Variants in CERS5 observed in about 807,000 individuals in gnomAD.
CERS5 encodes the protein ceramide synthase 5.
Under a neutral mutation model 58.9 loss-of-function variants are expected in CERS5, and 37 were observed. The observed-to-expected ratio is 0.63, with a 90% CI of 0.48 to 0.83. The LOEUF (loss-of-function observed/expected upper bound fraction) is 0.83, where lower values mean the gene tolerates loss of function less well. Among genes scored for constraint, CERS5 ranks in the 40% least tolerant of loss-of-function variants. CERS5 has a pLI of 0.00. For missense variants in CERS5, 398 were observed against 489.3 expected (o/e 0.81, Z 1.76); for synonymous variants, 147 against 177.8 (o/e 0.83, Z 1.38).
chr12:50,131,054 C>A (rs1343428354), intron 9 of CERS5, among the ~76,000 whole-genome samples: 21 of 152,186 alleles, frequency 1.4e-4, no homozygotes, highest in Admixed American at 1.4e-3. Context: ...ACGAACAATA[C>A]GTATGACTGT....
intron 1 of CERS5, among the ~76,000 whole-genome samples, chr12:50,154,919 C>A (rs570129413): frequency 6.6e-6 from 1 of 152,092 alleles, no homozygotes; most frequent in African/African-American, 2.4e-5. Flanking sequence ...AGTGCAGTGG[C>A]GCTATCTTGG....
intron 6 of CERS5, among the ~76,000 whole-genome samples, chr12:50,137,417 A>C (rs1951745980): frequency 6.6e-6 from 1 of 152,236 alleles, no homozygotes; most frequent in East Asian, 1.9e-4. Context: ...TGAATAAGGC[A>C]TTGCTATCCC....
In CERS5 at chr12:50,145,946, G is replaced by A. The variant is rs547438763; in HGVS notation, c.198-1889C>T. The stretch of plus-strand genomic sequence containing the variant: ...AGCATTCAGAAGAGTAAATGAGGCC[G>A]TCATTCTTTGTTGTTGAGTTGATGC... On this transcript the variant is annotated intron_variant, in intron 1 of 9. Coordinates refer to ENST00000317551, the MANE Select transcript of CERS5 (RefSeq NM_147190.5). Among the ~76,000 whole-genome samples the A allele has an allele frequency of 3.9e-5, 6 of 152,248 alleles. No individual in the cohort carries two copies. In the South Asian group the frequency reaches 1.2e-3, roughly 32 times the overall value.
chr12:50,153,867 T>G, intron 1 of CERS5: 1 of 424,234 alleles, frequency 2.4e-6, no homozygotes, highest in Non-Finnish European at 4.7e-6. Context: ...GGCAGGAGAA[T>G]CATTTGAACC....
At position 50,153,269 on chromosome 12, in the gene CERS5, A is replaced by ATTT. The variant is rs202197775; in HGVS notation, c.198-9215_198-9213dup. ...GGTTATAATGAGATAAACTAATATG[A>ATTT]TTTTTTTTTTTTTTTTTTTTTTTTT... On this transcript the variant is annotated intron_variant, in intron 1 of 9. Transcript: ENST00000317551. Among the ~76,000 whole-genome samples, 96 of 93,426 alleles carry ATTT rather than the reference A, an allele frequency of 1.0e-3. 14 individuals carry two copies. Among genetic ancestry groups the ATTT allele is most frequent in the South Asian group, 2.3e-3 (6 of 2,598 alleles). The allele number at this position is 93,426 out of a possible 152,430, so 61.3% of individuals were successfully genotyped here.
Position 50,135,989 on chromosome 12 carries a change from C to T in CERS5, c.717G>A (p.Val239=). The change falls in exon 7 of 10, where the codon GTG becomes GTA. Residue 239 remains valine, a synonymous_variant. Transcript: ENST00000317551. The part of the protein sequence containing the change: ...SFSYINNMVR[V]GTLIMCLHDV... Reference sequence around the variant, plus strand: ...CATGTAGACACATGATCAGAGTTCCCACTCGAACCATATTGTTGATGTAGG... The same window carrying T: ...CATGTAGACACATGATCAGAGTTCCTACTCGAACCATATTGTTGATGTAGG... The T allele has an allele frequency of 6.6e-7, 1 of 1,523,240 alleles. No homozygotes were observed. Among genetic ancestry groups the T allele is most frequent in the Non-Finnish European group, 8.8e-7 (1 of 1,139,480 alleles). 94.4% of individuals were successfully genotyped at this position (1,523,240 alleles called of 1,614,324 possible).
At chr12:50,140,162 G>A (rs1592357888) in intron 4 of CERS5, among the ~76,000 whole-genome samples, 1 of 151,450 alleles carries the variant, frequency 6.6e-6, no homozygotes, top group East Asian at 1.9e-4. Context: ...CTCTAAGTAT[G>A]TTTTATCTGT....
At chr12:50,148,244 A>C (rs1406008205) in intron 1 of CERS5, among the ~76,000 whole-genome samples, 3 of 151,748 alleles carry the variant, frequency 2.0e-5, no homozygotes, top group East Asian at 3.9e-4. Flanking sequence ...TCGAGGCTGC[A>C]GTGGGCTGTG....
rs1368137000 is a variant in CERS5 at position 50,134,528 on chromosome 12, G to T, written c.1029+18C>A. 6.2e-7 allele frequency: 1 copy of T among 1,613,986 alleles called. No homozygotes were observed. Among genetic ancestry groups the T allele is most frequent in the East Asian group, 2.2e-5 (1 of 44,900 alleles). On this transcript the variant is annotated intron_variant, in intron 9 of 9. Coordinates refer to ENST00000317551, the MANE Select transcript of CERS5 (RefSeq NM_147190.5). The stretch of plus-strand genomic sequence containing the variant: ...TATCTTCCATACCCAAAAGAAAGAA[G>T]CCATCTTTCATCCTCACCTTTCCCC...
intron 1 of CERS5, chr12:50,144,697 A>G (rs757940832): frequency 2.5e-6 from 2 of 804,904 alleles, no homozygotes; most frequent in Non-Finnish European, 3.9e-6. Flanking sequence ...GTGAGAAGGA[A>G]ATCACCTATT....
chr12:50,135,927 G>T lies in CERS5; in HGVS notation c.765+14C>A, dbSNP rs748543374. Reference sequence around the variant, plus strand: ...GAGAAGAAGAAGATGGAGAAAGAGAGATTGGGTTTTTACCTCCAGCAAGAA... The same window carrying T: ...GAGAAGAAGAAGATGGAGAAAGAGATATTGGGTTTTTACCTCCAGCAAGAA... On this transcript the variant is annotated intron_variant, in intron 7 of 9. Coordinates refer to ENST00000317551, the MANE Select transcript of CERS5 (RefSeq NM_147190.5). The T allele has an allele frequency of 6.4e-7, 1 of 1,552,390 alleles. No homozygotes were observed. The highest frequency in any genetic ancestry group is 8.7e-7 in the Non-Finnish European group (1 of 1,153,186).
At chr12:50,133,639 A>T in intron 9 of CERS5, 3 of 985,558 alleles carry the variant, frequency 3.0e-6, no homozygotes, top group Non-Finnish European at 3.6e-6. Flanking sequence ...AAATCCACTG[A>T]AGCAGGTAGG....
At chr12:50,142,544 G>T (rs1184650126) in intron 3 of CERS5, among the ~76,000 whole-genome samples, 8 of 106,394 alleles carry the variant, frequency 7.5e-5, no homozygotes, top group East Asian at 4.0e-4. Context: ...GCAAGACTCC[G>T]TCTCAAAAAA....
intron 8 of CERS5, 141 bp downstream of exon 8, chr12:50,135,591 A>T (rs1352355726): frequency 1.3e-6 from 1 of 765,618 alleles, no homozygotes. Context: ...GCTAAGGTAA[A>T]AGCAGGGCAA....
chr12:50,164,993 TTCC>T (rs1939706364), intron 1 of CERS5: 1 of 142,806 alleles, frequency 7.0e-6, no homozygotes. Flanking sequence ...TTACATTGCC[TTCC>T]TCCTTTTTTT....
intron 1 of CERS5, among the ~76,000 whole-genome samples, chr12:50,153,358 C>A (rs368561724): frequency 3.7e-5 from 5 of 136,302 alleles, no homozygotes; most frequent in African/African-American, 1.4e-4. Context: ...TGGCTCACTG[C>A]AACCTCTGCC....
chr12:50,142,172 C>T (rs10747571), intron 3 of CERS5, 62 bp from the exon 4 acceptor site: 339,149 of 1,160,550 alleles, frequency 0.29, 57,176 homozygotes, highest in East Asian at 0.78. Context: ...TCTGAGGCTA[C>T]GGAAGTCAAG....
intron 8 of CERS5, chr12:50,135,295 A>C: frequency 4.7e-6 from 1 of 214,702 alleles, no homozygotes; most frequent in Non-Finnish European, 8.9e-6. Context: ...AGAGGGAGGA[A>C]GAGAGAGAGA....
intron 1 of CERS5, among the ~76,000 whole-genome samples, chr12:50,159,961 A>G (rs562060940): frequency 1.3e-5 from 2 of 152,144 alleles, no homozygotes; most frequent in African/African-American, 4.8e-5. Context: ...AATGTTGACA[A>G]TGTATTTTGT....
Sources: gnomAD v4.1 joint callset for allele counts (sites outside exome capture counted in the v4.1 genomes callset) on GRCh38, gnomAD v4.1.1 for gene constraint, MANE v1.5 for transcripts, NCBI Gene and HGNC (gene_info 2026-07-23, HGNC 2026-07-21) for gene names.